CDKL4: variants seen among roughly 807,000 people sequenced by gnomAD.
CDKL4 encodes cyclin dependent kinase like 4, also known as cyclin-dependent kinase-like 4.
CDKL4 carries 44 observed loss-of-function variants against 42.0 expected under a neutral mutation model. That is an observed-to-expected ratio of 1.05 (90% CI 0.82 to 1.35). The LOEUF (loss-of-function observed/expected upper bound fraction) is 1.35, where lower values mean the gene tolerates loss of function less well. Among genes scored for constraint, CDKL4 ranks in the 40% most tolerant of loss-of-function variants. The pLI is 0.00. For missense variants in CDKL4, 393 were observed against 369.9 expected, an observed-to-expected ratio of 1.06 and a Z score of -0.51; for synonymous variants, 120 against 121.6, an observed-to-expected ratio of 0.99 and a Z score of 0.09.
Position 39,179,997 on chromosome 2 carries a change from A to G in CDKL4, c.793-676T>C, listed in dbSNP as rs1451939145. ...TTCTGAGAGTGGGGAGGAGTATCAC[A>G]GCAGAGGGGTCAGTGGGGGTCCTGA... is the stretch of plus-strand genomic sequence containing the variant. On this transcript the variant is annotated intron_variant, in intron 8 of 9. Transcript: ENST00000451199. Among the ~76,000 whole-genome samples, 3 of 152,306 alleles carry G rather than the reference A, an allele frequency of 2.0e-5. No individual in the cohort carries two copies. The East Asian group carries it at 5.8e-4, about 29-fold the overall frequency.
chr2:39,217,723 TA>T (rs1484289600), intron 3 of CDKL4, among the ~76,000 whole-genome samples: 17 of 142,674 alleles, frequency 1.2e-4, no homozygotes, highest in African/African-American at 4.5e-4. Context: ...TTTATTTATT[TA>T]TTTATTTATT....
At chr2:39,221,984 T>C (rs985516072) in intron 3 of CDKL4, among the ~76,000 whole-genome samples, 1 of 152,242 alleles carries the variant, frequency 6.6e-6, no homozygotes, top group Non-Finnish European at 1.5e-5. Flanking sequence ...CATTTTAAGC[T>C]TCTTGAGGGC....
Position 39,237,541 on chromosome 2 carries a change from A to G in CDKL4, c.-57+6330T>C, listed in dbSNP as rs551587663. Among the ~76,000 whole-genome samples, 23 of 152,340 alleles carry G rather than the reference A, an allele frequency of 1.5e-4. No homozygotes were observed. The South Asian group carries it at 4.8e-3, about 32-fold the overall frequency. On this transcript the variant is annotated intron_variant, in intron 1 of 9. Coordinates refer to ENST00000451199, the Ensembl canonical transcript of CDKL4. Reference sequence around the variant, plus strand: ...CAGTGCAATAAGGCAAGAAAAAGAAATTAAAGGCATATACATTGAAAACGA... The same window carrying G: ...CAGTGCAATAAGGCAAGAAAAAGAAGTTAAAGGCATATACATTGAAAACGA...
intron 5 of CDKL4, 101 bp from the exon 6 acceptor site, chr2:39,190,603 C>T: frequency 2.2e-6 from 2 of 926,634 alleles, no homozygotes; most frequent in Non-Finnish European, 3.5e-6. Context: ...CATCAGAGGC[C>T]ATGATACTCT....
chr2:39,190,541 C>G (rs1558551790), intron 5 of CDKL4, 39 bp from the exon 6 acceptor site: 2 of 1,573,526 alleles, frequency 1.3e-6, no homozygotes, highest in Non-Finnish European at 1.7e-6. Context: ...GTCAATTCTC[C>G]CAACATGTGA....
intron 7 of CDKL4, among the ~76,000 whole-genome samples, chr2:39,186,401 T>C (rs1169566877): frequency 6.6e-6 from 1 of 152,330 alleles, no homozygotes; most frequent in South Asian, 2.1e-4. Context: ...TGGCTCTGAC[T>C]CCAGCATAGT....
chr2:39,237,965 A>T (rs1217237882), intron 1 of CDKL4, among the ~76,000 whole-genome samples: 1 of 152,232 alleles, frequency 6.6e-6, no homozygotes. Flanking sequence ...AATTAATGTA[A>T]AAATGAATAA....
chr2:39,242,692 G>T (rs936482932), intron 1 of CDKL4, among the ~76,000 whole-genome samples: 10 of 152,020 alleles, frequency 6.6e-5, no homozygotes, highest in African/African-American at 2.2e-4. Flanking sequence ...GGAATACAAT[G>T]AAAGAAGGAA....
At chr2:39,189,075 G>A (rs1177543733) in intron 6 of CDKL4, among the ~76,000 whole-genome samples, 1 of 152,184 alleles carries the variant, frequency 6.6e-6, no homozygotes, top group Non-Finnish European at 1.5e-5. Context: ...GACAAACAAA[G>A]TGTGGCCTGC....
At chr2:39,178,913 C>T in intron 9 of CDKL4, 1 of 1,450,146 alleles carries the variant, frequency 6.9e-7, no homozygotes, top group Non-Finnish European at 9.1e-7. Flanking sequence ...GGTATACGAT[C>T]TTGTGGGTGG....
chr2:39,220,586 G>GT (rs1027999229), intron 3 of CDKL4, among the ~76,000 whole-genome samples: 78 of 148,996 alleles, frequency 5.2e-4, no homozygotes, highest in Admixed American at 1.9e-3. Flanking sequence ...CGAGATTCTG[G>GT]TTTTTTTTTT....
chr2:39,230,059 G>A (rs1679002782), intron 1 of CDKL4, among the ~76,000 whole-genome samples: 2 of 152,204 alleles, frequency 1.3e-5, no homozygotes, highest in Admixed American at 1.3e-4. Flanking sequence ...AAGAAAGAGC[G>A]TGGGCCATTG....
intron 5 of CDKL4, among the ~76,000 whole-genome samples, chr2:39,198,067 C>A (rs1297088953): frequency 1.3e-5 from 2 of 152,074 alleles, no homozygotes; most frequent in African/African-American, 4.8e-5. Context: ...AATTCACCAA[C>A]CAAGTATCTG....
At chr2:39,173,802 G>C (rs1031349991), downstream of CDKL4, among the ~76,000 whole-genome samples, 5 of 114,872 alleles carry the variant, frequency 4.4e-5, no homozygotes, top group African/African-American at 6.2e-5. Flanking sequence ...GACAGAGTGA[G>C]ACTCCATCTC....
chr2:39,192,270 G>C (rs541665185), intron 5 of CDKL4, among the ~76,000 whole-genome samples: 178 of 152,188 alleles, frequency 1.2e-3, no homozygotes, highest in African/African-American at 4.1e-3. Flanking sequence ...ACAGAAAGAA[G>C]GTAAATATAC....
chr2:39,219,545 T>A (rs1678175008), intron 3 of CDKL4, among the ~76,000 whole-genome samples: 1 of 152,006 alleles, frequency 6.6e-6, no homozygotes, highest in African/African-American at 2.4e-5. Context: ...CTTAGCCTCC[T>A]GAGTAGGTGG....
chr2:39,213,541 A>G, intron 3 of CDKL4, 69 bp from the exon 4 acceptor site: 1 of 1,025,890 alleles, frequency 9.7e-7, no homozygotes, highest in Non-Finnish European at 1.5e-6. Flanking sequence ...GGCTGGGAAT[A>G]GAAGTGGAGT....
At chr2:39,168,228 G>C in the CDKL4 span, among the ~76,000 whole-genome samples, 2 of 152,106 alleles carry the variant, frequency 1.3e-5, no homozygotes, top group South Asian at 2.1e-4. Flanking sequence ...ACGACTTCAA[G>C]TGATTTGAAA....
At chr2:39,226,066 A>C in intron 2 of CDKL4, 106 bp from the exon 3 acceptor site, 1 of 1,152,074 alleles carries the variant, frequency 8.7e-7, no homozygotes, top group Non-Finnish European at 1.2e-6. Flanking sequence ...AGATTCATCC[A>C]ATGTACCTAT....
Sources: allele counts gnomAD v4.1 joint callset (sites outside exome capture counted in the v4.1 genomes callset), GRCh38; gene constraint gnomAD v4.1.1; transcripts MANE v1.5; gene names NCBI Gene and HGNC (gene_info 2026-07-23, HGNC 2026-07-21).